C1orf56: variants seen among roughly 807,000 people sequenced by gnomAD.
C1orf56 encodes the protein chromosome 1 open reading frame 56.
C1orf56 carries 14 observed loss-of-function variants against 20.7 expected under a neutral mutation model. The ratio of observed to expected loss-of-function variants is 0.68; its 90% CI spans 0.45 to 1.06. The LOEUF (loss-of-function observed/expected upper bound fraction) is 1.06. C1orf56 is among the 50% of genes least tolerant of loss of function. The pLI, the probability that C1orf56 is intolerant of heterozygous loss-of-function variation, is 0.00. For missense variants in C1orf56, 424 were observed against 451.4 expected, an observed-to-expected ratio of 0.94 and a Z score of 0.55; for synonymous variants, 187 against 194.7, an observed-to-expected ratio of 0.96 and a Z score of 0.33.
At position 151,050,498 on chromosome 1, in the gene C1orf56, C is replaced by T; in HGVS notation, c.*40C>T. The T allele has an allele frequency of 6.3e-7, 1 of 1,575,410 alleles. No homozygotes were observed. The highest frequency in any genetic ancestry group is 8.6e-7 in the Non-Finnish European group (1 of 1,159,804). ...ACATGAGGAGATGTCAGTATCTCAACCTCTCTTGCCCTTTCAATCCTAGCA... is the reference window on the plus strand; with the variant it reads ...ACATGAGGAGATGTCAGTATCTCAATCTCTCTTGCCCTTTCAATCCTAGCA... On this transcript the variant is annotated 3_prime_UTR_variant, in exon 2 of 2. Coordinates refer to ENST00000368926, the MANE Select transcript of C1orf56 (RefSeq NM_017860.5).
chr1:151,050,390 A>AGAT (rs1317070231), intron 1 of C1orf56, 48 bp from the exon 2 acceptor site: 1 of 1,579,126 alleles, frequency 6.3e-7, no homozygotes, highest in Non-Finnish European at 8.7e-7. Context: ...AAAAGAATAT[A>AGAT]GATGTGGTTG....
chr1:151,049,878 TAATC>T (rs1420129731), intron 1 of C1orf56, among the ~76,000 whole-genome samples: 1 of 152,246 alleles, frequency 6.6e-6, no homozygotes, highest in Non-Finnish European at 1.5e-5. Context: ...TGAAGGATCT[TAATC>T]AATTAATAGT....
chr1:151,047,903 G>C lies in C1orf56; in HGVS notation c.56G>C (p.Arg19Pro), dbSNP rs1226398499. ...GTCCTGCTGCTGAATCTGGGTCCCC[G>C]GGCGGCGGGGGCCCAAGGCCTGACC... is the stretch of plus-strand genomic sequence containing the variant. ...LWVLLLNLGP[R>P]AAGAQGLTQT... is the part of the protein sequence containing the mutation. Residue 19 changes from arginine (R) to proline (P), a missense_variant, in exon 1 of 2, where the codon CGG becomes CCG. Arg to Pro is a moderately radical substitution (Grantham distance 103). Coordinates refer to ENST00000368926, the MANE Select transcript of C1orf56 (RefSeq NM_017860.5). 1 of 1,607,870 alleles carries C rather than the reference G, an allele frequency of 6.2e-7. No individual in the cohort carries two copies. Among genetic ancestry groups the C allele is most frequent in the Non-Finnish European group, 8.5e-7 (1 of 1,177,340 alleles).
At position 151,048,582 on chromosome 1, in the gene C1orf56, C is replaced by G. The variant is rs1164690377; in HGVS notation, c.735C>G (p.His245Gln). 3.7e-6 allele frequency: 6 copies of G among 1,614,228 alleles called. No homozygotes were observed. The South Asian group carries it at 4.4e-5, about 12-fold the overall frequency. Residue 245 changes from histidine (H) to glutamine (Q), a missense_variant, in exon 1 of 2, where the codon CAC (histidine) becomes CAG (glutamine). His to Gln is a conservative substitution (Grantham distance 24). Coordinates refer to ENST00000368926, the MANE Select transcript of C1orf56 (RefSeq NM_017860.5). This position sits in a 1 kb window ranked among gnomAD's most constrained non-coding sequence, Gnocchi z 4.8. ...VGALSQLRTEHKPCTYQQCPC... is the reference protein window; with the variant it reads ...VGALSQLRTEQKPCTYQQCPC... The stretch of plus-strand genomic sequence containing the variant: ...CGCTGAGCCAGCTCCGCACGGAGCA[C>G]AAGCCTTGCACCTATCAACAATGTC...
chr1:151,049,297 A>G (rs1050634288), intron 1 of C1orf56, among the ~76,000 whole-genome samples: 3 of 84,038 alleles, frequency 3.6e-5, no homozygotes, highest in Non-Finnish European at 8.4e-5. Context: ...TTTTTTTTTT[A>G]GAAGAGACAG....
Position 151,050,503 on chromosome 1 carries a change from CT to C in C1orf56, c.*47del. On this transcript the variant is annotated 3_prime_UTR_variant, in exon 2 of 2. Transcript: ENST00000368926. ...AGGAGATGTCAGTATCTCAACCTCT[CT>C]TGCCCTTTCAATCCTAGCACCCACT... The C allele has an allele frequency of 6.4e-7, 1 of 1,571,894 alleles. No homozygotes were observed. Among genetic ancestry groups the C allele is most frequent in the Non-Finnish European group, 8.6e-7 (1 of 1,156,592 alleles).
rs1227811989 is a variant in C1orf56, at chr1:151,047,951, G to A, written c.104G>A (p.Arg35Gln). Residue 35 changes from arginine (R) to glutamine (Q), a missense_variant, in exon 1 of 2, where the codon CGG becomes CAG. Coordinates refer to ENST00000368926, the MANE Select transcript of C1orf56 (RefSeq NM_017860.5). ...ACCCAGACTCCGACCGAAATGCAGC[G>A]GGTCAGTTTACGCTTTGGGGGCCCC... ...GLTQTPTEMQ[R>Q]VSLRFGGPMT... 6.2e-7 allele frequency: 1 copy of A among 1,613,540 alleles called. No homozygotes were observed. The highest frequency in any genetic ancestry group is 8.5e-7 in the Non-Finnish European group (1 of 1,179,942).
Position 151,051,308 on chromosome 1 carries a change from A to G in C1orf56, c.*850A>G, listed in dbSNP as rs1676172972. 1 of 147,214 alleles carries G rather than the reference A, an allele frequency of 6.8e-6. No homozygotes were observed. Among genetic ancestry groups the G allele is most frequent in the Non-Finnish European group, 1.5e-5 (1 of 66,948 alleles). 9.1% of individuals were successfully genotyped at this position (147,214 alleles called of 1,614,324 possible). ...AACAAGCTGGGTTACTTTCAGAGCA[A>G]CCAGCTTGACTGGAACTGAGAGTAA... On this transcript the variant is annotated 3_prime_UTR_variant, in exon 2 of 2. Coordinates refer to ENST00000368926, the MANE Select transcript of C1orf56 (RefSeq NM_017860.5).
intron 1 of C1orf56, among the ~76,000 whole-genome samples, chr1:151,050,105 G>T (rs587754061): frequency 2.0e-5 from 3 of 152,300 alleles, no homozygotes; most frequent in Admixed American, 2.0e-4. Flanking sequence ...CTACCATTTG[G>T]GAGTACTGTC....
At position 151,048,513 on chromosome 1, in the gene C1orf56, G is replaced by A. The variant is rs764291586; in HGVS notation, c.666G>A (p.Arg222=). ...AGTCGGGCACCATGAGCCGGAGCCG[G>A]TCTGGGAAGCTGCACGGCCTTTCCG... The part of the protein sequence containing the change: ...HCKSGTMSRS[R]SGKLHGLSGR... Residue 222 remains arginine (R), a synonymous_variant, in exon 1 of 2, where the codon CGG becomes CGA. Transcript: ENST00000368926. The surrounding 1 kb of genome is among the most constrained non-coding windows in gnomAD (Gnocchi z 4.8). 3.1e-6 allele frequency: 5 copies of A among 1,611,930 alleles called. No individual in the cohort carries two copies. The highest frequency in any genetic ancestry group is 2.2e-5 in the South Asian group (2 of 91,074).
chr1:151,048,597 T>A lies in C1orf56; in HGVS notation c.750T>A (p.Tyr250Ter), dbSNP rs1388220317. ...GCACGGAGCACAAGCCTTGCACCTA[T>A]CAACAATGTCCCTGCAACCGACTTC... Reference protein sequence around the residue: ...QLRTEHKPCTYQQCPCNRLRE... With the variant: ...QLRTEHKPCT The change falls in exon 1 of 2, where the codon TAT becomes TAA. Residue 250 changes from tyrosine to a stop codon, truncating the protein, a stop_gained. Transcript: ENST00000368926. LOFTEE classifies it high-confidence loss of function. This position sits in a 1 kb window ranked among gnomAD's most constrained non-coding sequence, Gnocchi z 4.8. 1 of 1,614,094 alleles carries A rather than the reference T, an allele frequency of 6.2e-7. No homozygotes were observed. Among genetic ancestry groups the A allele is most frequent in the Non-Finnish European group, 8.5e-7 (1 of 1,180,038 alleles).
At chr1:151,049,220 TCTC>T (rs1299830866) in intron 1 of C1orf56, among the ~76,000 whole-genome samples, 4 of 151,846 alleles carry the variant, frequency 2.6e-5, no homozygotes, top group Non-Finnish European at 5.9e-5. Context: ...TTCAAACAAT[TCTC>T]CTGCCTCAGC....
In C1orf56 at chr1:151,048,622, C is replaced by T; in HGVS notation, c.775C>T (p.Arg259Trp). Residue 259 changes from arginine (R) to tryptophan (W), a missense_variant, in exon 1 of 2, where the codon CGG becomes TGG. Physicochemically the swap from Arg to Trp is moderately radical, Grantham distance 101. Coordinates refer to ENST00000368926, the MANE Select transcript of C1orf56 (RefSeq NM_017860.5). The surrounding 1 kb of genome is among the most constrained non-coding windows in gnomAD (Gnocchi z 4.8). Reference protein sequence around the residue: ...TYQQCPCNRLREECPLDTSLC... With the variant: ...TYQQCPCNRLWEECPLDTSLC... The stretch of plus-strand genomic sequence containing the variant: ...TCAACAATGTCCCTGCAACCGACTT[C>T]GGGAAGAGTGCCCCCTGGACACAAG... The T allele has an allele frequency of 6.2e-7, 1 of 1,614,234 alleles. No homozygotes were observed. The highest frequency in any genetic ancestry group is 8.5e-7 in the Non-Finnish European group (1 of 1,180,044).
At position 151,047,893 on chromosome 1, in the gene C1orf56, C is replaced by A; in HGVS notation, c.46C>A (p.Leu16Met). The A allele has an allele frequency of 6.2e-7, 1 of 1,606,300 alleles. No homozygotes were observed. Among genetic ancestry groups the A allele is most frequent in the Non-Finnish European group, 8.5e-7 (1 of 1,176,448 alleles). ...GCTGCTGTGGGTCCTGCTGCTGAAT[C>A]TGGGTCCCCGGGCGGCGGGGGCCCA... ...GALLWVLLLN[L>M]GPRAAGAQGL... The change falls in exon 1 of 2, where the codon CTG (leucine) becomes ATG (methionine). Residue 16 changes from leucine (L) to methionine (M), a missense_variant. By Grantham distance (15) the Leu-to-Met change is conservative. Transcript: ENST00000368926.
In C1orf56 at chr1:151,048,575, C is replaced by T. The variant is rs779018018; in HGVS notation, c.728C>T (p.Thr243Met). 4 of 1,614,080 alleles carry T rather than the reference C, an allele frequency of 2.5e-6. No individual in the cohort carries two copies. Among genetic ancestry groups the T allele is most frequent in the South Asian group, 1.1e-5 (1 of 91,094 alleles). Residue 243 changes from threonine to methionine, a missense_variant, in exon 1 of 2, where the codon ACG becomes ATG. Transcript: ENST00000368926. This position sits in a 1 kb window ranked among gnomAD's most constrained non-coding sequence, Gnocchi z 4.8. Reference sequence around the variant, plus strand: ...GTTGGGGCGCTGAGCCAGCTCCGCACGGAGCACAAGCCTTGCACCTATCAA... The same window carrying T: ...GTTGGGGCGCTGAGCCAGCTCCGCATGGAGCACAAGCCTTGCACCTATCAA... ...LRVGALSQLR[T>M]EHKPCTYQQC...
intron 1 of C1orf56, 159 bp downstream of exon 1, chr1:151,049,011 C>T (rs1219264050): frequency 8.6e-7 from 1 of 1,160,692 alleles, no homozygotes; most frequent in African/African-American, 1.6e-5. Context: ...ACATTGTTAG[C>T]CATTGATTCC....
rs754236789 is a variant in C1orf56, at chr1:151,047,904, G to A, written c.57G>A (p.Arg19=). 3.7e-5 allele frequency: 60 copies of A among 1,608,434 alleles called. No individual in the cohort carries two copies. Among genetic ancestry groups the A allele is most frequent in the South Asian group, 3.6e-4 (33 of 90,656 alleles). Residue 19 remains arginine (R), a synonymous_variant, in exon 1 of 2, where the codon CGG becomes CGA. Coordinates refer to ENST00000368926, the MANE Select transcript of C1orf56 (RefSeq NM_017860.5). ...TCCTGCTGCTGAATCTGGGTCCCCG[G>A]GCGGCGGGGGCCCAAGGCCTGACCC... ...LWVLLLNLGP[R]AAGAQGLTQT...
intron 1 of C1orf56, chr1:151,049,463 C>T (rs1296024310): frequency 6.6e-6 from 1 of 151,698 alleles, no homozygotes; most frequent in Non-Finnish European, 1.5e-5. Context: ...GCTATGTTGC[C>T]CAGGCTGGTC....
In C1orf56 at chr1:151,048,794, G is replaced by C; in HGVS notation, c.947G>C (p.Arg316Thr). 1 of 1,609,068 alleles carries C rather than the reference G, an allele frequency of 6.2e-7. No individual in the cohort carries two copies. Among genetic ancestry groups the C allele is most frequent in the Non-Finnish European group, 8.5e-7 (1 of 1,177,792 alleles). The change falls in exon 1 of 2, where the codon AGG (arginine) becomes ACG (threonine). Residue 316 changes from arginine (R) to threonine (T), a missense_variant. Physicochemically the swap from Arg to Thr is moderately conservative, Grantham distance 71. Coordinates refer to ENST00000368926, the MANE Select transcript of C1orf56 (RefSeq NM_017860.5). This position sits in a 1 kb window ranked among gnomAD's most constrained non-coding sequence, Gnocchi z 4.8. ...CPALAFWKRVRIGLEDIWNSL... is the reference protein window; with the variant it reads ...CPALAFWKRVTIGLEDIWNSL... ...GCCCTGGCTTTTTGGAAACGGGTCAGGATTGGCCTGGAGGATATTTGGAAT... is the reference window on the plus strand; with the variant it reads ...GCCCTGGCTTTTTGGAAACGGGTCACGATTGGCCTGGAGGATATTTGGAAT...
Sources: allele counts gnomAD v4.1 joint callset (sites outside exome capture counted in the v4.1 genomes callset), GRCh38; gene constraint gnomAD v4.1.1; non-coding constraint Gnocchi (gnomAD v3.1); transcripts MANE v1.5; gene names NCBI Gene and HGNC (gene_info 2026-07-23, HGNC 2026-07-21).